ORAI3: variants seen among roughly 807,000 people sequenced by gnomAD.
The protein encoded by ORAI3 is ORAI calcium release-activated calcium modulator 3.
ORAI3 carries 15 observed loss-of-function variants against 17.2 expected under a neutral mutation model. The observed-to-expected ratio is 0.87, with a 90% CI of 0.58 to 1.34. The LOEUF is 1.34. Among genes scored for constraint, ORAI3 ranks in the 40% most tolerant of loss-of-function variants. The pLI is 0.00. For synonymous variants in ORAI3, 178 were observed against 172.4 expected (o/e 1.03, Z -0.25); for missense variants, 405 against 396.7 (o/e 1.02, Z -0.18).
Position 30,954,518 on chromosome 16 carries a change from A to C in ORAI3, c.*674A>C. On this transcript the variant is annotated 3_prime_UTR_variant, in exon 2 of 2. Transcript: ENST00000318663. ...TCTTTATTTCTGTAGAATCTATTTT[A>C]TGGTTGGCATTTTGGGGGAAGATTT... The C allele has an allele frequency of 5.6e-6, 1 of 179,450 alleles. No individual in the cohort carries two copies. Among genetic ancestry groups the C allele is most frequent in the Non-Finnish European group, 1.2e-5 (1 of 85,002 alleles). The allele number at this position is 179,450 out of a possible 1,614,324, so 11.1% of individuals were successfully genotyped here. A position where few individuals can be genotyped will look rare whatever the true frequency, so the allele number is the denominator to read the frequency against.
chr16:30,949,724 G>A (rs538524941), intron 1 of ORAI3: 333 of 555,906 alleles, frequency 6.0e-4, no homozygotes, highest in Non-Finnish European at 8.6e-4. Context: ...GGCCACCGGA[G>A]GACACGAAAG....
At chr16:30,950,668 C>T (rs2099316965) in intron 1 of ORAI3, among the ~76,000 whole-genome samples, 1 of 152,150 alleles carries the variant, frequency 6.6e-6, no homozygotes, top group African/African-American at 2.4e-5. Flanking sequence ...ACTCTCTAAC[C>T]CTAAGGGTCA....
chr16:30,950,548 TG>T (rs944133870), intron 1 of ORAI3, among the ~76,000 whole-genome samples: 1 of 152,018 alleles, frequency 6.6e-6, no homozygotes, highest in African/African-American at 2.4e-5. Flanking sequence ...CGCACTCCTG[TG>T]GGGGTGGATA....
intron 1 of ORAI3, among the ~76,000 whole-genome samples, chr16:30,950,282 T>C (rs1390067360): frequency 6.6e-6 from 1 of 152,010 alleles, no homozygotes; most frequent in Non-Finnish European, 1.5e-5. Context: ...AGTGGGAAAC[T>C]GAGATCATGG....
In ORAI3 at chr16:30,949,229, G is replaced by A. The variant is rs2055907779; in HGVS notation, c.-61G>A. ...CCGCCCCCGGGCTTGGGCCGGCCCGGCTGGGGCCCCCGAGGCGCTTCCGCC... is the reference window on the plus strand; with the variant it reads ...CCGCCCCCGGGCTTGGGCCGGCCCGACTGGGGCCCCCGAGGCGCTTCCGCC... On this transcript the variant is annotated 5_prime_UTR_variant, in exon 1 of 2. Transcript: ENST00000318663. 2 of 1,246,120 alleles carry A rather than the reference G, an allele frequency of 1.6e-6. No homozygotes were observed. The highest frequency in any genetic ancestry group is 2.1e-6 in the Non-Finnish European group (2 of 959,932). 77.2% of individuals were successfully genotyped at this position (1,246,120 alleles called of 1,614,324 possible). A position where few individuals can be genotyped will look rare whatever the true frequency, so the allele number is the denominator to read the frequency against.
chr16:30,952,128 C>T (rs1334149171), intron 1 of ORAI3, among the ~76,000 whole-genome samples: 1 of 95,846 alleles, frequency 1.0e-5, no homozygotes, highest in Admixed American at 1.0e-4. Flanking sequence ...TCTTATCTTT[C>T]TTTTTTTTTT....
chr16:30,953,604 T>A lies in ORAI3; in HGVS notation c.648T>A (p.Ser216=). Residue 216 remains serine (S), a synonymous_variant, in exon 2 of 2, where the codon TCT becomes TCA. Coordinates refer to ENST00000318663, the MANE Select transcript of ORAI3 (RefSeq NM_152288.3). ...CCAATCTCCCACGGTCCTCTGCGTC[T>A]GCAGCACCGTCCCAAGCTGAGCCAG... ...PASNLPRSSA[S]AAPSQAEPAC... is the part of the protein sequence containing the mutation. 2 of 1,614,188 alleles carry A rather than the reference T, an allele frequency of 1.2e-6. No individual in the cohort carries two copies. Among genetic ancestry groups the A allele is most frequent in the Non-Finnish European group, 1.7e-6 (2 of 1,180,016 alleles).
Position 30,949,470 on chromosome 16 carries a change from C to G in ORAI3, c.181C>G (p.Leu61Val). 8.7e-6 allele frequency: 14 copies of G among 1,608,190 alleles called. No homozygotes were observed. The highest frequency in any genetic ancestry group is 1.2e-5 in the Non-Finnish European group (14 of 1,178,714). ...WRRLYLSRAK[L>V]KASSRTSALL... The stretch of plus-strand genomic sequence containing the variant: ...CCGCCTCTACCTCAGCCGGGCCAAG[C>G]TCAAAGCTTCCAGCCGCACGTCTGC... Residue 61 changes from leucine (L) to valine (V), a missense_variant, in exon 1 of 2, where the codon CTC becomes GTC. Transcript: ENST00000318663.
chr16:30,949,650 G>A (rs1368859023), intron 1 of ORAI3, 133 bp downstream of exon 1: 1 of 736,238 alleles, frequency 1.4e-6, no homozygotes, highest in Non-Finnish European at 2.2e-6. Context: ...AAGGAACAAG[G>A]TCCCGCGGGA....
chr16:30,953,941 C>A lies in ORAI3; in HGVS notation c.*97C>A. ...CAGACCTCATCCCCCCATCCCCTGG[C>A]TGGAGCCACTTCCAGTGGCCACTCT... is the stretch of plus-strand genomic sequence containing the variant. On this transcript the variant is annotated 3_prime_UTR_variant, in exon 2 of 2. Coordinates refer to ENST00000318663, the MANE Select transcript of ORAI3 (RefSeq NM_152288.3). 1 of 1,339,648 alleles carries A rather than the reference C, an allele frequency of 7.5e-7. No individual in the cohort carries two copies. The highest frequency in any genetic ancestry group is 1.2e-5 in the South Asian group (1 of 81,288). The allele number at this position is 1,339,648 out of a possible 1,614,324, so 83.0% of individuals were successfully genotyped here. A position where few individuals can be genotyped will look rare whatever the true frequency, so the allele number is the denominator to read the frequency against.
Position 30,949,183 on chromosome 16 carries a change from T to G in ORAI3, c.-107T>G. ...TGGGCGCCCGCCGCCTGCATCCTGC[T>G]CGTCCTGTCTGGGAATGGGGCCGCC... On this transcript the variant is annotated 5_prime_UTR_variant, in exon 1 of 2. Transcript: ENST00000318663. 1.4e-6 allele frequency: 1 copy of G among 731,810 alleles called. No individual in the cohort carries two copies. The highest frequency in any genetic ancestry group is 2.0e-6 in the Non-Finnish European group (1 of 496,968). 45.3% of individuals were successfully genotyped at this position (731,810 alleles called of 1,614,324 possible). A position where few individuals can be genotyped will look rare whatever the true frequency, so the allele number is the denominator to read the frequency against.
rs2055906619 is a variant in ORAI3 at position 30,949,132 on chromosome 16, C to T, written c.-158C>T. 1 of 499,706 alleles carries T rather than the reference C, an allele frequency of 2.0e-6. No homozygotes were observed. Among genetic ancestry groups the T allele is most frequent in the Non-Finnish European group, 3.4e-6 (1 of 293,400 alleles). 31.0% of individuals were successfully genotyped at this position (499,706 alleles called of 1,614,324 possible). On this transcript the variant is annotated 5_prime_UTR_variant, in exon 1 of 2. Coordinates refer to ENST00000318663, the MANE Select transcript of ORAI3 (RefSeq NM_152288.3). The stretch of plus-strand genomic sequence containing the variant: ...GGGGCTCCCCGCAGACGCTGCTTTT[C>T]TTGCTCCACTGGGGGTGCCTCTTCC...
rs1223805484 is a variant in ORAI3 at position 30,954,036 on chromosome 16, G to A, written c.*192G>A. The A allele has an allele frequency of 9.7e-6, 7 of 725,236 alleles. No homozygotes were observed. Among genetic ancestry groups the A allele is most frequent in the South Asian group, 2.9e-5 (2 of 68,056 alleles). The allele number at this position is 725,236 out of a possible 1,614,324, so 44.9% of individuals were successfully genotyped here. The stretch of plus-strand genomic sequence containing the variant: ...CCTTGGGGCAGCTCCCACATTCCCA[G>A]GGATTTTCCCCATCAGTCTGTCCCT... On this transcript the variant is annotated 3_prime_UTR_variant, in exon 2 of 2. Transcript: ENST00000318663.
chr16:30,953,166 TC>T lies in ORAI3; in HGVS notation c.229-15del. ...TTGAGGTTATGGGGAGATCAGTACA[TC>T]CCCTCTTGTCCCTGCAGGTGGCCAT... is the stretch of plus-strand genomic sequence containing the variant. On this transcript the variant is annotated intron_variant, in intron 1 of 1. Coordinates refer to ENST00000318663, the MANE Select transcript of ORAI3 (RefSeq NM_152288.3). 1 of 1,559,568 alleles carries T rather than the reference TC, an allele frequency of 6.4e-7. No individual in the cohort carries two copies. The highest frequency in any genetic ancestry group is 8.7e-7 in the Non-Finnish European group (1 of 1,154,042).
chr16:30,950,071 G>A (rs1157535185), intron 1 of ORAI3, among the ~76,000 whole-genome samples: 2 of 152,190 alleles, frequency 1.3e-5, no homozygotes, highest in Non-Finnish European at 2.9e-5. Flanking sequence ...GGCTGATGAG[G>A]AAACTGATAA....
rs117745778 is a variant in ORAI3 at position 30,949,284 on chromosome 16, C to G, written c.-6C>G. The G allele has an allele frequency of 1.5e-4, 211 of 1,400,698 alleles. No homozygotes were observed. The African/African-American group carries it at 2.2e-3, about 15-fold the overall frequency. 86.8% of individuals were successfully genotyped at this position (1,400,698 alleles called of 1,614,324 possible). On this transcript the variant is annotated 5_prime_UTR_variant, in exon 1 of 2. Coordinates refer to ENST00000318663, the MANE Select transcript of ORAI3 (RefSeq NM_152288.3). ...AGTGACCGCCTGGTGCCGCCCCCCC[C>G]CCAGGATGAAGGGCGGCGAGGGGGA...
In ORAI3 at chr16:30,953,590, C is replaced by A. The variant is rs753961369; in HGVS notation, c.634C>A (p.Arg212=). ...CCTTAGTCCAGCTTCCAATCTCCCA[C>A]GGTCCTCTGCGTCTGCAGCACCGTC... ...TSLSPASNLP[R]SSASAAPSQA... is the part of the protein sequence containing the mutation. Residue 212 remains arginine (R), a synonymous_variant, in exon 2 of 2, where the codon CGG becomes AGG. Transcript: ENST00000318663. The A allele has an allele frequency of 6.2e-7, 1 of 1,614,216 alleles. No individual in the cohort carries two copies. Among genetic ancestry groups the A allele is most frequent in the Non-Finnish European group, 8.5e-7 (1 of 1,180,026 alleles).
In ORAI3 at chr16:30,949,177, T is replaced by G; in HGVS notation, c.-113T>G. On this transcript the variant is annotated 5_prime_UTR_variant, in exon 1 of 2. Transcript: ENST00000318663. ...TCTTCCTGGGCGCCCGCCGCCTGCATCCTGCTCGTCCTGTCTGGGAATGGG... is the reference window on the plus strand; with the variant it reads ...TCTTCCTGGGCGCCCGCCGCCTGCAGCCTGCTCGTCCTGTCTGGGAATGGG... The G allele has an allele frequency of 1.4e-6, 1 of 690,080 alleles. No individual in the cohort carries two copies. Among genetic ancestry groups the G allele is most frequent in the Non-Finnish European group, 2.2e-6 (1 of 461,732 alleles). The allele number at this position is 690,080 out of a possible 1,614,324, so 42.7% of individuals were successfully genotyped here.
intron 1 of ORAI3, 114 bp downstream of exon 1, chr16:30,949,631 C>G (rs1340476637): frequency 4.1e-6 from 3 of 738,560 alleles, no homozygotes; most frequent in African/African-American, 2.0e-5. Flanking sequence ...GGGCTTTCGT[C>G]AAAGGGGGAA....
Sources: allele counts gnomAD v4.1 joint callset (sites outside exome capture counted in the v4.1 genomes callset), GRCh38; gene constraint gnomAD v4.1.1; transcripts MANE v1.5; gene names NCBI Gene and HGNC (gene_info 2026-07-23, HGNC 2026-07-21).